ALDH16A1: variants seen among roughly 807,000 people sequenced by gnomAD.
The protein encoded by ALDH16A1 is aldehyde dehydrogenase 16 family member A1.
ALDH16A1 carries 88 observed loss-of-function variants against 96.1 expected under a neutral mutation model. That is an observed-to-expected ratio of 0.92 (90% CI 0.77 to 1.09). ALDH16A1 has a LOEUF of 1.09. Among genes scored for constraint, ALDH16A1 ranks in the 50% least tolerant of loss-of-function variants. The pLI is 0.00. For missense variants in ALDH16A1, 1,250 were observed against 1,112.6 expected (o/e 1.12, Z -1.76); for synonymous variants, 522 against 496.4 (o/e 1.05, Z -0.69).
At chr19:49,453,918 C>A (rs1196092931) in intron 1 of ALDH16A1, among the ~76,000 whole-genome samples, 1 of 152,054 alleles carries the variant, frequency 6.6e-6, no homozygotes, top group Admixed American at 6.6e-5. Context: ...TTCCATGGAG[C>A]CCCCGTGATC....
chr19:49,462,242 TA>T (rs879934220), intron 7 of ALDH16A1, among the ~76,000 whole-genome samples: 116,060 of 151,740 alleles, frequency 0.76, 45,225 homozygotes, highest in Middle Eastern at 0.87. Flanking sequence ...AGCCTGGGAG[TA>T]GCTGCCTCAG....
At position 49,470,994 on chromosome 19, in the gene ALDH16A1, C is replaced by T. The variant is rs2079241498; in HGVS notation, c.*527C>T. 6.6e-6 allele frequency: 1 copy of T among 152,178 alleles called. No individual in the cohort carries two copies. The highest frequency in any genetic ancestry group is 1.5e-5 in the Non-Finnish European group (1 of 68,136). 9.4% of individuals were successfully genotyped at this position (152,178 alleles called of 1,614,324 possible). ...CTGGTTTTCTCTACCTTTTCATGGC[C>T]CCAGAATCCATATGCAGTAAAGGAA... On this transcript the variant is annotated 3_prime_UTR_variant, in exon 17 of 17. Coordinates refer to ENST00000293350, the MANE Select transcript of ALDH16A1 (RefSeq NM_153329.4).
At chr19:49,467,685 C>T (rs907757430) in intron 14 of ALDH16A1, among the ~76,000 whole-genome samples, 4 of 151,784 alleles carry the variant, frequency 2.6e-5, no homozygotes, top group African/African-American at 7.3e-5. Context: ...TGAGCCACTA[C>T]ACCCGGCCTT....
intron 5 of ALDH16A1, among the ~76,000 whole-genome samples, chr19:49,461,415 C>G (rs866132369): frequency 8.4e-4 from 105 of 124,550 alleles, no homozygotes; most frequent in South Asian, 1.6e-3. Flanking sequence ...ACTCCTGGGT[C>G]TGAGGGAGGA....
intron 1 of ALDH16A1, among the ~76,000 whole-genome samples, chr19:49,454,020 G>GTTTTTTTTT (rs3032838): frequency 1.5e-3 from 101 of 68,220 alleles, no homozygotes; most frequent in African/African-American, 4.6e-3. Flanking sequence ...TTTGGGTTGG[G>GTTTTTTTTT]TTTTTTTTTT....
chr19:49,470,273 G>C lies in ALDH16A1; in HGVS notation c.2248-33G>C, dbSNP rs755730307. The C allele has an allele frequency of 1.4e-5, 23 of 1,611,452 alleles. No homozygotes were observed. The South Asian group carries it at 2.5e-4, about 18-fold the overall frequency. On this transcript the variant is annotated intron_variant, in intron 16 of 16. Transcript: ENST00000293350. ...GCAGGTGCTCAGCAACAAGCCTGCA[G>C]AAGTGCTTACCCCCGTCTCTTCCTC...
In ALDH16A1 at chr19:49,463,872, G is replaced by C. The variant is rs1163184212; in HGVS notation, c.1117G>C (p.Val373Leu). 8 of 1,613,388 alleles carry C rather than the reference G, an allele frequency of 5.0e-6. No individual in the cohort carries two copies. Among genetic ancestry groups the C allele is most frequent in the Admixed American group, 3.3e-5 (2 of 59,910 alleles). Reference sequence around the variant, plus strand: ...TCCCTAGGTGTTCCAGGCTGGTGATGTGCCTTCGGAACGCCCATTCTATCC... The same window carrying C: ...TCCCTAGGTGTTCCAGGCTGGTGATCTGCCTTCGGAACGCCCATTCTATCC... ...QGAQVFQAGD[V>L]PSERPFYPPT... The change falls in exon 9 of 17, where the codon GTG (valine) becomes CTG (leucine). Residue 373 changes from valine (V) to leucine (L), a missense_variant. Val to Leu is a conservative substitution (Grantham distance 32). Coordinates refer to ENST00000293350, the MANE Select transcript of ALDH16A1 (RefSeq NM_153329.4).
chr19:49,467,950 C>G (rs1206907195), intron 14 of ALDH16A1, among the ~76,000 whole-genome samples: 2 of 150,512 alleles, frequency 1.3e-5, no homozygotes, highest in African/African-American at 4.9e-5. Flanking sequence ...GTCAAGAGAT[C>G]GAGACCATCC....
At chr19:49,460,452 T>C (rs1237047228) in intron 4 of ALDH16A1, among the ~76,000 whole-genome samples, 12 of 151,504 alleles carry the variant, frequency 7.9e-5, no homozygotes, top group Admixed American at 2.6e-4. Context: ...TCGCTCTTTG[T>C]TGCCCAGGCT....
intron 11 of ALDH16A1, 37 bp downstream of exon 11, chr19:49,464,559 C>T (rs371432624): frequency 1.6e-4 from 251 of 1,613,164 alleles, no homozygotes; most frequent in Non-Finnish European, 1.6e-4. Context: ...GCCCCCCCGC[C>T]GCCCCATGCC....
In ALDH16A1 at chr19:49,459,933, A is replaced by T. The variant is rs2079128948; in HGVS notation, c.499+85A>T. On this transcript the variant is annotated intron_variant, in intron 4 of 16. Coordinates refer to ENST00000293350, the MANE Select transcript of ALDH16A1 (RefSeq NM_153329.4). The surrounding 1 kb of genome is among the most constrained non-coding windows in gnomAD (Gnocchi z 4.1). ...TCCCCTCATTCTTTTTCTTTTAGACAGAGTTTCGCTCTTGTCGCCCAGGCC... is the reference window on the plus strand; with the variant it reads ...TCCCCTCATTCTTTTTCTTTTAGACTGAGTTTCGCTCTTGTCGCCCAGGCC... 2.0e-6 allele frequency: 3 copies of T among 1,465,266 alleles called. No individual in the cohort carries two copies. Among genetic ancestry groups the T allele is most frequent in the Non-Finnish European group, 2.7e-6 (3 of 1,097,784 alleles). The allele number at this position is 1,465,266 out of a possible 1,614,324, so 90.8% of individuals were successfully genotyped here. A position where few individuals can be genotyped will look rare whatever the true frequency, so the allele number is the denominator to read the frequency against.
intron 1 of ALDH16A1, among the ~76,000 whole-genome samples, chr19:49,458,226 A>G (rs118155392): frequency 0.024 from 3,718 of 152,294 alleles, 64 homozygotes; most frequent in South Asian, 0.036. Context: ...CTCAAAAAAA[A>G]AAAATGAAAA....
At position 49,460,807 on chromosome 19, in the gene ALDH16A1, A is replaced by AT. The variant is rs2079135312; in HGVS notation, c.500-8dup. 5 of 1,606,568 alleles carry AT rather than the reference A, an allele frequency of 3.1e-6. No individual in the cohort carries two copies. Among genetic ancestry groups the AT allele is most frequent in the Non-Finnish European group, 4.2e-6 (5 of 1,177,196 alleles). ...TAGCCTCAAGGGATCCTCTTGCCTCATTTTTTTCTTGCAGGAGTAATTGGC... is the reference window on the plus strand; with the variant it reads ...TAGCCTCAAGGGATCCTCTTGCCTCATTTTTTTTCTTGCAGGAGTAATTGGC... On this transcript the variant is annotated splice_polypyrimidine_tract_variant and intron_variant, in intron 4 of 16. Coordinates refer to ENST00000293350, the MANE Select transcript of ALDH16A1 (RefSeq NM_153329.4).
At chr19:49,467,942 C>G (rs577460090) in intron 14 of ALDH16A1, among the ~76,000 whole-genome samples, 30 of 150,430 alleles carry the variant, frequency 2.0e-4, no homozygotes, top group African/African-American at 6.3e-4. Flanking sequence ...ATCACAAGGT[C>G]AAGAGATCGA....
Position 49,465,755 on chromosome 19 carries a change from G to C in ALDH16A1, c.1586G>C (p.Gly529Ala). The C allele has an allele frequency of 6.2e-7, 1 of 1,613,838 alleles. No homozygotes were observed. The highest frequency in any genetic ancestry group is 8.5e-7 in the Non-Finnish European group (1 of 1,179,820). The change falls in exon 13 of 17, where the codon GGG becomes GCG. Residue 529 changes from glycine (G) to alanine (A), a missense_variant. Coordinates refer to ENST00000293350, the MANE Select transcript of ALDH16A1 (RefSeq NM_153329.4). ...EIGPSPAPPY[G>A]LFVGGRFQAP... ...TACTCCAGCCCAGCACCCCCCTATG[G>C]GCTCTTCGTTGGGGGCCGTTTCCAG...
Position 49,459,550 on chromosome 19 carries a change from TAA to T in ALDH16A1, c.321-118_321-117del. 8.7e-7 allele frequency: 1 copy of T among 1,149,800 alleles called. No individual in the cohort carries two copies. Among genetic ancestry groups the T allele is most frequent in the Non-Finnish European group, 1.2e-6 (1 of 834,838 alleles). 71.2% of individuals were successfully genotyped at this position (1,149,800 alleles called of 1,614,324 possible). On this transcript the variant is annotated intron_variant, in intron 3 of 16. Coordinates refer to ENST00000293350, the MANE Select transcript of ALDH16A1 (RefSeq NM_153329.4). The surrounding 1 kb of genome is among the most constrained non-coding windows in gnomAD (Gnocchi z 4.1). ...AATCTTCACTGCCCTCTGCCCCAGG[TAA>T]ATGGTGGGGATGCCTCAGGGGCTCA...
rs568475476 is a variant in ALDH16A1 at position 49,459,950 on chromosome 19, G to A, written c.499+102G>A. Reference sequence around the variant, plus strand: ...TTTTAGACAGAGTTTCGCTCTTGTCGCCCAGGCCGGAGTGCAGTGGCGCAA... The same window carrying A: ...TTTTAGACAGAGTTTCGCTCTTGTCACCCAGGCCGGAGTGCAGTGGCGCAA... On this transcript the variant is annotated intron_variant, in intron 4 of 16. Coordinates refer to ENST00000293350, the MANE Select transcript of ALDH16A1 (RefSeq NM_153329.4). The surrounding 1 kb of genome is among the most constrained non-coding windows in gnomAD (Gnocchi z 4.1). 20 of 1,383,070 alleles carry A rather than the reference G, an allele frequency of 1.4e-5. No individual in the cohort carries two copies. The highest frequency in any genetic ancestry group is 1.3e-4 in the South Asian group (9 of 69,478). 85.7% of individuals were successfully genotyped at this position (1,383,070 alleles called of 1,614,324 possible).
At position 49,465,605 on chromosome 19, in the gene ALDH16A1, G is replaced by T. The variant is rs2079190869; in HGVS notation, c.1569-133G>T. Reference sequence around the variant, plus strand: ...AGCAGGAGTTTTAGGGTCCCCCAGAGGCTCATGGGAACAGGGGTTTGGGGT... The same window carrying T: ...AGCAGGAGTTTTAGGGTCCCCCAGATGCTCATGGGAACAGGGGTTTGGGGT... On this transcript the variant is annotated intron_variant, in intron 12 of 16. Coordinates refer to ENST00000293350, the MANE Select transcript of ALDH16A1 (RefSeq NM_153329.4). The T allele has an allele frequency of 1.2e-5, 13 of 1,104,346 alleles. No individual in the cohort carries two copies. The East Asian group carries it at 3.1e-4, about 26-fold the overall frequency. The allele number at this position is 1,104,346 out of a possible 1,614,324, so 68.4% of individuals were successfully genotyped here.
At position 49,461,656 on chromosome 19, in the gene ALDH16A1, G is replaced by T. The variant is rs369462963; in HGVS notation, c.615G>T (p.Pro205=). The T allele has an allele frequency of 6.9e-6, 11 of 1,603,764 alleles. No homozygotes were observed. The African/African-American group carries it at 1.2e-4, about 18-fold the overall frequency. The part of the protein sequence containing the change: ...TVVALVPPAS[P]APLLLAQLAG... ...TGGCCCTCGTGCCCCCGGCCTCCCC[G>T]GCGCCCCTCCTCCTGGCCCAGCTGG... Residue 205 remains proline, a synonymous_variant, in exon 6 of 17, where the codon CCG becomes CCT. Transcript: ENST00000293350.
Sources: gnomAD v4.1 joint callset for allele counts (sites outside exome capture counted in the v4.1 genomes callset) on GRCh38, gnomAD v4.1.1 for gene constraint, Gnocchi (gnomAD v3.1) non-coding constraint, MANE v1.5 for transcripts, NCBI Gene and HGNC (gene_info 2026-07-23, HGNC 2026-07-21) for gene names.